GLIS1: variants seen among roughly 807,000 people sequenced by gnomAD.
GLIS1 encodes the protein GLIS family zinc finger 1, also known as zinc finger protein GLIS1.
In GLIS1, 24 loss-of-function variants were observed where a neutral mutation model predicts 63.8. That is an observed-to-expected ratio of 0.38 (90% CI 0.27 to 0.53). The LOEUF (loss-of-function observed/expected upper bound fraction) is 0.53. GLIS1 is among the 20% of genes least tolerant of loss of function. GLIS1 has a pLI of 0.85. For missense variants in GLIS1, 1,036 were observed against 1,074.1 expected (o/e 0.96, Z 0.50); for synonymous variants, 450 against 482.5 (o/e 0.93, Z 0.88).
At chr1:53,515,895 G>A (rs887205621) in intron 7 of GLIS1, among the ~76,000 whole-genome samples, 2 of 151,066 alleles carry the variant, frequency 1.3e-5, no homozygotes, top group African/African-American at 4.9e-5. Flanking sequence ...TGGAGCCCAG[G>A]CCTCCTCCAG....
chr1:53,568,571 C>T (rs759219745), intron 4 of GLIS1, among the ~76,000 whole-genome samples: 8 of 152,056 alleles, frequency 5.3e-5, no homozygotes, highest in Non-Finnish European at 7.4e-5. Flanking sequence ...TGTGTCCCCA[C>T]CCAAATTTCA....
chr1:53,566,209 C>T (rs1324885739), intron 4 of GLIS1, among the ~76,000 whole-genome samples: 3 of 152,050 alleles, frequency 2.0e-5, no homozygotes, highest in Non-Finnish European at 4.4e-5. Context: ...CTTACCATTC[C>T]TTTTCAATAT....
chr1:53,558,499 T>G (rs1644855387), intron 4 of GLIS1, among the ~76,000 whole-genome samples: 1 of 152,054 alleles, frequency 6.6e-6, no homozygotes, highest in South Asian at 2.1e-4. Context: ...TTCCAGCCAT[T>G]CTTGAACATG....
intron 7 of GLIS1, 78 bp from the exon 8 acceptor site, chr1:53,514,859 G>T: frequency 7.0e-7 from 1 of 1,421,204 alleles, no homozygotes; most frequent in Non-Finnish European, 9.4e-7. Flanking sequence ...AGCTGTGTGT[G>T]CCTGATGATG....
intron 4 of GLIS1, among the ~76,000 whole-genome samples, chr1:53,554,072 G>A (rs556074898): frequency 6.6e-6 from 1 of 152,288 alleles, no homozygotes; most frequent in Admixed American, 6.5e-5. Context: ...CCCTCGCCAG[G>A]GCCACCTCTC....
At chr1:53,732,400 CCT>C (rs1646871198) in intron 2 of GLIS1, among the ~76,000 whole-genome samples, 1 of 152,168 alleles carries the variant, frequency 6.6e-6, no homozygotes. Context: ...TACTTTTCCC[CCT>C]CTTTTCTGCT....
chr1:53,728,349 GATTA>G (rs940513445), intron 2 of GLIS1, among the ~76,000 whole-genome samples: 6 of 152,084 alleles, frequency 3.9e-5, no homozygotes, highest in Non-Finnish European at 8.8e-5. Context: ...ATAATCCCAA[GATTA>G]ATTGAGCATT....
At chr1:53,685,587 TCCCTGCTGAGTTCTTTGTGTTTTTTC>T (rs1247083563) in intron 2 of GLIS1, among the ~76,000 whole-genome samples, 1 of 152,066 alleles carries the variant, frequency 6.6e-6, no homozygotes, top group Non-Finnish European at 1.5e-5. Flanking sequence ...GTTGCAGAGA[TCCCTGCTGAGTTCTTTGTGTTTTTTC>T]CCCTCTCTTC....
intron 2 of GLIS1, among the ~76,000 whole-genome samples, chr1:53,624,084 G>C (rs935924088): frequency 1.3e-5 from 2 of 152,128 alleles, no homozygotes; most frequent in African/African-American, 2.4e-5. Context: ...ATCTAGAATA[G>C]CCAAAACAAT....
At chr1:53,730,379 C>A (rs1399134558) in intron 2 of GLIS1, among the ~76,000 whole-genome samples, 1 of 152,152 alleles carries the variant, frequency 6.6e-6, no homozygotes, top group African/African-American at 2.4e-5. Flanking sequence ...AAATACCCAA[C>A]CCTCTGAGAA....
intron 4 of GLIS1, among the ~76,000 whole-genome samples, chr1:53,584,746 G>A (rs774654290): frequency 2.1e-4 from 32 of 152,172 alleles, no homozygotes; most frequent in Non-Finnish European, 3.8e-4. Flanking sequence ...CAAGGTGACC[G>A]AGACCTTAGG....
rs2296761 is a variant in GLIS1 at position 53,506,376 on chromosome 1, A to C, written c.*243T>G. 0.044 allele frequency: 22,131 copies of C among 500,252 alleles called. 1,429 individuals carry two copies. Among genetic ancestry groups the C allele is most frequent in the African/African-American group, 0.21 (11,137 of 52,556 alleles). The allele number at this position is 500,252 out of a possible 1,614,324, so 31.0% of individuals were successfully genotyped here. A position where few individuals can be genotyped will look rare whatever the true frequency, so the allele number is the denominator to read the frequency against. ...CACTGCGGGGAGGAACGGGAAGACA[A>C]GATCGAGGGAATGTTACAGGGCCAC... On this transcript the variant is annotated 3_prime_UTR_variant, in exon 11 of 11. Coordinates refer to ENST00000628545, the MANE Select transcript of GLIS1 (RefSeq NM_001367484.1).
intron 2 of GLIS1, among the ~76,000 whole-genome samples, chr1:53,669,349 G>A (rs1412873291): frequency 1.3e-5 from 2 of 152,204 alleles, no homozygotes; most frequent in Non-Finnish European, 2.9e-5. Context: ...GTGGGCCCAT[G>A]AGCCCCCTAT....
At chr1:53,677,803 G>A (rs1014511862) in intron 2 of GLIS1, among the ~76,000 whole-genome samples, 1 of 152,196 alleles carries the variant, frequency 6.6e-6, no homozygotes, top group African/African-American at 2.4e-5. Flanking sequence ...CTGCCCATCT[G>A]TAGGCGTTCC....
intron 2 of GLIS1, among the ~76,000 whole-genome samples, chr1:53,634,185 C>T (rs1378579572): frequency 6.6e-6 from 1 of 152,108 alleles, no homozygotes; most frequent in African/African-American, 2.4e-5. Context: ...AAGTTTTAGA[C>T]ATGTTTAGAC....
At chr1:53,570,540 A>G (rs1644975054) in intron 4 of GLIS1, among the ~76,000 whole-genome samples, 1 of 152,202 alleles carries the variant, frequency 6.6e-6, no homozygotes, top group Non-Finnish European at 1.5e-5. Flanking sequence ...CTTTTCTACT[A>G]GATACTAGCA....
At chr1:53,623,651 CAAAA>C (rs1314955115) in intron 2 of GLIS1, among the ~76,000 whole-genome samples, 3 of 151,910 alleles carry the variant, frequency 2.0e-5, no homozygotes, top group Non-Finnish European at 4.4e-5. Context: ...TCTCTAAAAA[CAAAA>C]GAAAGAATAA....
chr1:53,540,196 G>A (rs953026208), intron 4 of GLIS1, among the ~76,000 whole-genome samples: 25 of 152,282 alleles, frequency 1.6e-4, no homozygotes, highest in African/African-American at 5.3e-4. Flanking sequence ...GGTGAGCCTC[G>A]CACAGCCTGC....
intron 2 of GLIS1, among the ~76,000 whole-genome samples, chr1:53,706,676 T>C (rs1324872104): frequency 6.6e-6 from 1 of 152,220 alleles, no homozygotes; most frequent in African/African-American, 2.4e-5. Flanking sequence ...ACGTGCCTTG[T>C]AAATATTGTC....
Sources: gnomAD v4.1 joint callset for allele counts (sites outside exome capture counted in the v4.1 genomes callset) on GRCh38, gnomAD v4.1.1 for gene constraint, MANE v1.5 for transcripts, NCBI Gene and HGNC (gene_info 2026-07-23, HGNC 2026-07-21) for gene names.